The following FRMD5 variants were observed in gnomAD, a reference collection of about 807,000 sequenced individuals.
FRMD5 encodes FERM domain containing 5.
FRMD5 carries 20 observed loss-of-function variants against 69.0 expected under a neutral mutation model. The ratio of observed to expected loss-of-function variants is 0.29; its 90% CI spans 0.20 to 0.42. FRMD5 has a LOEUF of 0.42. Among genes scored for constraint, FRMD5 ranks in the 10% least tolerant of loss-of-function variants. The pLI, the probability that FRMD5 is intolerant of heterozygous loss-of-function variation, is 1.00. For synonymous variants in FRMD5, 271 were observed against 260.1 expected (o/e 1.04, Z -0.40); for missense variants, 595 against 708.6 (o/e 0.84, Z 1.82).
chr15:44,114,437 C>T (rs1231417129), intron 1 of FRMD5, among the ~76,000 whole-genome samples: 2 of 151,988 alleles, frequency 1.3e-5, no homozygotes, highest in African/African-American at 4.8e-5. Context: ...AGAATAAAAA[C>T]CAGACCTAAA....
intron 1 of FRMD5, among the ~76,000 whole-genome samples, chr15:44,013,464 G>C (rs1227254631): frequency 6.6e-6 from 1 of 152,198 alleles, no homozygotes; most frequent in African/African-American, 2.4e-5. Flanking sequence ...CTTAACCATG[G>C]TGGTGATTTT....
At chr15:43,914,676 G>A (rs944607298) in intron 4 of FRMD5, among the ~76,000 whole-genome samples, 4 of 148,064 alleles carry the variant, frequency 2.7e-5, no homozygotes, top group Non-Finnish European at 4.4e-5. Flanking sequence ...TGCATGCTGT[G>A]TGCCCTGTTT....
At chr15:44,053,131 C>G (rs1266333701) in intron 1 of FRMD5, among the ~76,000 whole-genome samples, 1 of 152,072 alleles carries the variant, frequency 6.6e-6, no homozygotes, top group Non-Finnish European at 1.5e-5. Context: ...TAGGAGGTAA[C>G]TAACTTAGAG....
chr15:44,140,917 T>C (rs1048554556), intron 1 of FRMD5, among the ~76,000 whole-genome samples: 3 of 149,332 alleles, frequency 2.0e-5, no homozygotes, highest in African/African-American at 7.4e-5. Flanking sequence ...CAAAAGAATT[T>C]ACAATTAAAA....
In FRMD5 at chr15:44,195,002, C is replaced by T; in HGVS notation, c.53G>A (p.Ser18Asn). 20 of 1,562,196 alleles carry T rather than the reference C, an allele frequency of 1.3e-5. No homozygotes were observed. Among genetic ancestry groups the T allele is most frequent in the Non-Finnish European group, 1.6e-5 (19 of 1,158,570 alleles). ...GTCGTCCAGCAGCCGCACGGTGCAG[C>T]TGTACTCGCGCTCCAGGCTCCTGCT... is the stretch of plus-strand genomic sequence containing the variant. Reference protein sequence around the residue: ...GSSRSLEREYSCTVRLLDDSE... With the variant: ...GSSRSLEREYNCTVRLLDDSE... The change falls in exon 1 of 14, where the codon AGC becomes AAC. Residue 18 changes from serine to asparagine, a missense_variant. By Grantham distance (46) the Ser-to-Asn change is conservative. Around this residue, in one of 5 missense-constraint regions of FRMD5, gnomAD observed 44 missense variants for 33.6 expected, o/e 1.31. Transcript: ENST00000417257.
chr15:43,976,776 C>A (rs184828873), intron 1 of FRMD5, among the ~76,000 whole-genome samples: 87 of 152,278 alleles, frequency 5.7e-4, no homozygotes, highest in African/African-American at 2.1e-3. Context: ...AAGTGATTCT[C>A]CTGCCTCAGT....
chr15:43,905,691 A>C, intron 6 of FRMD5, 137 bp downstream of exon 6: 3 of 1,048,996 alleles, frequency 2.9e-6, no homozygotes, highest in Non-Finnish European at 4.2e-6. Flanking sequence ...ACAATGGTAC[A>C]TCCGCGGTCA....
At chr15:44,074,024 TA>T (rs1318818598) in intron 1 of FRMD5, among the ~76,000 whole-genome samples, 2 of 152,208 alleles carry the variant, frequency 1.3e-5, no homozygotes, top group African/African-American at 4.8e-5. Flanking sequence ...GGCCTCATTC[TA>T]GAATACCCTC....
chr15:43,982,696 T>C (rs995710239), intron 1 of FRMD5, among the ~76,000 whole-genome samples: 2 of 152,252 alleles, frequency 1.3e-5, no homozygotes, highest in Non-Finnish European at 2.9e-5. Flanking sequence ...AAGAAGTTTT[T>C]AAAGAACACA....
chr15:43,971,688 T>A (rs2090381933), intron 1 of FRMD5, among the ~76,000 whole-genome samples: 1 of 151,904 alleles, frequency 6.6e-6, no homozygotes, highest in South Asian at 2.1e-4. Context: ...TATGCATAAT[T>A]TTATATACTG....
chr15:44,048,562 A>G lies in FRMD5; in HGVS notation c.103-124253T>C, dbSNP rs191787708. On this transcript the variant is annotated intron_variant, in intron 1 of 13. Transcript: ENST00000417257. ...AGCACAAAGTTTTTTATTTTGATGA[A>G]GTCCAATTTAGCTATTTTGGTTTTT... Among the ~76,000 whole-genome samples, 554 of 152,046 alleles carry G rather than the reference A, an allele frequency of 3.6e-3. 2 individuals carry two copies. The highest frequency in any genetic ancestry group is 0.011 in the African/African-American group (470 of 41,462).
chr15:44,104,715 T>C (rs2076690060), intron 1 of FRMD5, among the ~76,000 whole-genome samples: 1 of 152,184 alleles, frequency 6.6e-6, no homozygotes, highest in African/African-American at 2.4e-5. Flanking sequence ...GTAGTATATA[T>C]AGTAGGCTAT....
At chr15:44,198,089 C>T (rs1305922993), upstream of FRMD5, among the ~76,000 whole-genome samples, 4 of 152,136 alleles carry the variant, frequency 2.6e-5, no homozygotes, top group South Asian at 2.1e-4. Flanking sequence ...GCAGGCAGAT[C>T]GCTTGAGCTC....
At chr15:44,175,583 C>T (rs1679855117) in intron 1 of FRMD5, among the ~76,000 whole-genome samples, 1 of 152,134 alleles carries the variant, frequency 6.6e-6, no homozygotes. Context: ...AACAGACACA[C>T]ATATACAACT....
At chr15:43,944,452 A>G (rs4544217) in intron 1 of FRMD5, among the ~76,000 whole-genome samples, 35,472 of 152,022 alleles carry the variant, frequency 0.23, 7,172 homozygotes, top group African/African-American at 0.55. Flanking sequence ...CGGAGTTTTC[A>G]CTCTTGTTGC....
chr15:44,093,608 T>C (rs1407008328), intron 1 of FRMD5, among the ~76,000 whole-genome samples: 4 of 151,612 alleles, frequency 2.6e-5, no homozygotes, highest in Non-Finnish European at 5.9e-5. Flanking sequence ...AGTCTCGCTC[T>C]GTCGCCCAGG....
intron 1 of FRMD5, among the ~76,000 whole-genome samples, chr15:43,998,256 T>C (rs928741135): frequency 5.9e-5 from 9 of 152,188 alleles, no homozygotes; most frequent in African/African-American, 1.9e-4. Context: ...ACTTTGTAAA[T>C]TGCAAAGTGG....
intron 1 of FRMD5, among the ~76,000 whole-genome samples, chr15:44,087,541 C>G (rs1894251183): frequency 1.3e-5 from 2 of 152,084 alleles, no homozygotes; most frequent in African/African-American, 4.8e-5. Context: ...TTTGGCTCCA[C>G]CACATACTAC....
intron 1 of FRMD5, among the ~76,000 whole-genome samples, chr15:44,092,401 A>T (rs749166094): frequency 6.6e-6 from 1 of 152,214 alleles, no homozygotes; most frequent in Non-Finnish European, 1.5e-5. Flanking sequence ...TACAGCTGTG[A>T]TTCACGAAGT....
Sources: gnomAD v4.1 joint callset for allele counts (sites outside exome capture counted in the v4.1 genomes callset) on GRCh38, gnomAD v4.1.1 for gene constraint, gnomAD v4.1.1 regional missense constraint, MANE v1.5 for transcripts, NCBI Gene and HGNC (gene_info 2026-07-23, HGNC 2026-07-21) for gene names.